The following APLF variants were observed in gnomAD, a reference collection of about 807,000 sequenced individuals.
APLF encodes aprataxin and PNK-like factor.
Under a neutral mutation model 55.6 loss-of-function variants are expected in APLF, and 61 were observed. The ratio of observed to expected loss-of-function variants is 1.10; its 90% CI spans 0.89 to 1.36. The LOEUF (loss-of-function observed/expected upper bound fraction) is 1.36. Ranked by LOEUF, APLF falls within the 40% of genes most tolerant of loss-of-function variation. The probability of loss-of-function intolerance (pLI) is 0.00; values close to 1 mark genes in which losing one functional copy is unlikely to be tolerated. For synonymous variants in APLF, 207 were observed against 214.8 expected, an observed-to-expected ratio of 0.96 and a Z score of 0.32; for missense variants, 611 against 602.5, an observed-to-expected ratio of 1.01 and a Z score of -0.15.
chr2:68,489,522 G>A (rs1573165028), intron 1 of APLF, among the ~76,000 whole-genome samples: 2 of 152,346 alleles, frequency 1.3e-5, no homozygotes, highest in East Asian at 1.9e-4. Flanking sequence ...ACTTTGGTAT[G>A]TGGAAATGAT....
chr2:68,563,393 T>A, intron 8 of APLF: 1 of 976,404 alleles, frequency 1.0e-6, no homozygotes, highest in South Asian at 4.7e-5. Context: ...TGACTTGCCT[T>A]TTCCTAAGTA....
intron 9 of APLF, among the ~76,000 whole-genome samples, chr2:68,574,723 C>G (rs139022511): frequency 9.8e-4 from 150 of 152,340 alleles, no homozygotes; most frequent in Non-Finnish European, 2.0e-3. Flanking sequence ...TGTGGTCTTA[C>G]TGCCTCAACA....
chr2:68,561,787 C>T (rs1024830399), intron 8 of APLF, among the ~76,000 whole-genome samples: 1 of 151,958 alleles, frequency 6.6e-6, no homozygotes, highest in African/African-American at 2.4e-5. Flanking sequence ...GAACATATCC[C>T]ACAGAAAAAC....
At chr2:68,505,600 A>G (rs1467049566) in intron 3 of APLF, among the ~76,000 whole-genome samples, 1 of 152,038 alleles carries the variant, frequency 6.6e-6, no homozygotes, top group Non-Finnish European at 1.5e-5. Flanking sequence ...ACTCAGGAAC[A>G]GTTTACTTAC....
At position 68,525,502 on chromosome 2, in the gene APLF, C is replaced by T. The variant is rs1409770000; in HGVS notation, c.623-559C>T. On this transcript the variant is annotated intron_variant, in intron 5 of 9. Transcript: ENST00000303795. The stretch of plus-strand genomic sequence containing the variant: ...CTTCATTTACTTTTCCTAATAATTC[C>T]ATGAATTATAATTCCCATTATCCAG... 2.6e-5 allele frequency among the ~76,000 whole-genome samples: 4 copies of T among 151,918 alleles called. No homozygotes were observed. The East Asian group carries it at 5.8e-4, about 22-fold the overall frequency.
intron 8 of APLF, among the ~76,000 whole-genome samples, chr2:68,558,822 AC>A (rs1335701239): frequency 6.6e-6 from 1 of 151,904 alleles, no homozygotes; most frequent in African/African-American, 2.4e-5. Flanking sequence ...CACCGACAGG[AC>A]CCAGTGTGTG....
At chr2:68,518,369 T>C (rs1669721025) in intron 5 of APLF, among the ~76,000 whole-genome samples, 1 of 108,756 alleles carries the variant, frequency 9.2e-6, no homozygotes, top group South Asian at 2.5e-4. Context: ...AATATATTAA[T>C]ATATGACTGT....
chr2:68,484,018 G>T (rs1318786413), intron 1 of APLF, among the ~76,000 whole-genome samples: 3 of 152,008 alleles, frequency 2.0e-5, no homozygotes, highest in African/African-American at 4.8e-5. Context: ...CTTTATTCAG[G>T]GTTGTTTCTT....
At chr2:68,566,593 C>T (rs1403621376) in intron 8 of APLF, among the ~76,000 whole-genome samples, 14 of 152,062 alleles carry the variant, frequency 9.2e-5, no homozygotes, top group Admixed American at 7.9e-4. Context: ...TTAGTGTACC[C>T]CAGCTGTGCT....
intron 8 of APLF, among the ~76,000 whole-genome samples, chr2:68,564,922 A>G (rs548610993): frequency 7.2e-5 from 11 of 152,256 alleles, no homozygotes; most frequent in African/African-American, 2.6e-4. Flanking sequence ...CTGTTGTCCA[A>G]TATGATAGCC....
intron 1 of APLF, 53 bp from the exon 2 acceptor site, chr2:68,490,137 T>C: frequency 7.2e-7 from 1 of 1,386,218 alleles, no homozygotes; most frequent in Non-Finnish European, 9.8e-7. Context: ...TTTTGTTTTG[T>C]TGCTTTTTAA....
At chr2:68,515,342 C>A (rs1356160909) in intron 5 of APLF, among the ~76,000 whole-genome samples, 1 of 151,460 alleles carries the variant, frequency 6.6e-6, no homozygotes, top group Non-Finnish European at 1.5e-5. Flanking sequence ...TGTTGATCCT[C>A]AATTTGTAGG....
intron 2 of APLF, among the ~76,000 whole-genome samples, chr2:68,491,394 A>G (rs945527404): frequency 6.6e-6 from 1 of 152,180 alleles, no homozygotes; most frequent in African/African-American, 2.4e-5. Context: ...TGCCTAAGAC[A>G]TAGTAGGTAT....
intron 5 of APLF, among the ~76,000 whole-genome samples, chr2:68,520,528 C>T (rs1454232117): frequency 6.6e-6 from 1 of 151,944 alleles, no homozygotes; most frequent in Non-Finnish European, 1.5e-5. Context: ...CATTCTTTTA[C>T]ATGTGGCTTG....
chr2:68,554,613 C>T (rs1437321147), intron 8 of APLF, among the ~76,000 whole-genome samples: 3 of 151,340 alleles, frequency 2.0e-5, no homozygotes, highest in Non-Finnish European at 4.4e-5. Context: ...GAAGAAACCA[C>T]CTCCTTGGTT....
chr2:68,516,823 G>A (rs1294611322), intron 5 of APLF, among the ~76,000 whole-genome samples: 1 of 141,826 alleles, frequency 7.1e-6, no homozygotes, highest in African/African-American at 2.6e-5. Flanking sequence ...TATATAGAGA[G>A]AACAAATCTG....
chr2:68,548,373 A>C (rs1018084967), intron 8 of APLF, among the ~76,000 whole-genome samples: 2 of 151,956 alleles, frequency 1.3e-5, no homozygotes, highest in Admixed American at 1.3e-4. Context: ...TATATCTAGA[A>C]CACATGAAAA....
At chr2:68,521,839 G>T (rs1284913659) in intron 5 of APLF, among the ~76,000 whole-genome samples, 1 of 151,828 alleles carries the variant, frequency 6.6e-6, no homozygotes, top group Non-Finnish European at 1.5e-5. Context: ...TTTCACCATG[G>T]CAATTTGATG....
intron 1 of APLF, among the ~76,000 whole-genome samples, chr2:68,483,193 C>G (rs1374498812): frequency 6.6e-6 from 1 of 152,096 alleles, no homozygotes; most frequent in Non-Finnish European, 1.5e-5. Context: ...GGGTGGGGAG[C>G]GCATAACACG....
Sources: gnomAD v4.1 joint callset for allele counts (sites outside exome capture counted in the v4.1 genomes callset) on GRCh38, gnomAD v4.1.1 for gene constraint, MANE v1.5 for transcripts, NCBI Gene and HGNC (gene_info 2026-07-23, HGNC 2026-07-21) for gene names.